GSKIP: variants seen among roughly 807,000 people sequenced by gnomAD.
GSKIP encodes GSK3B interacting protein.
In GSKIP, 5 loss-of-function variants were observed where a neutral mutation model predicts 11.9. The ratio of observed to expected loss-of-function variants is 0.42; its 90% CI spans 0.22 to 0.89. The LOEUF is 0.89. Among genes scored for constraint, GSKIP ranks in the 40% least tolerant of loss-of-function variants. The probability of loss-of-function intolerance (pLI) is 0.29; values close to 1 mark genes in which losing one functional copy is unlikely to be tolerated. For synonymous variants in GSKIP, 70 were observed against 62.9 expected (o/e 1.11, Z -0.54); for missense variants, 150 against 166.6 (o/e 0.90, Z 0.55).
intron 1 of GSKIP, chr14:96,364,675 T>A (rs1001338396): frequency 1.3e-5 from 2 of 152,234 alleles, no homozygotes; most frequent in Non-Finnish European, 2.9e-5. Flanking sequence ...TCTCAAGTAT[T>A]CTCAGTAACT....
chr14:96,381,798 A>G (rs916210605), intron 2 of GSKIP, among the ~76,000 whole-genome samples: 1 of 152,150 alleles, frequency 6.6e-6, no homozygotes, highest in African/African-American at 2.4e-5. Context: ...AGTATAAGTC[A>G]TACTCTCTTT....
chr14:96,380,032 TATA>T (rs2139941007), intron 2 of GSKIP: 1 of 152,312 alleles, frequency 6.6e-6, no homozygotes, highest in African/African-American at 2.4e-5. Context: ...TAAGACCAAA[TATA>T]ATCTTGAGCA....
Position 96,385,786 on chromosome 14 carries a change from GT to G in GSKIP, c.*107del. ...ATAGAAAATGCATCTTTGGTTTTGT[GT>G]TTTTATCACTTGCTTCCAACTTAGG... On this transcript the variant is annotated 3_prime_UTR_variant, in exon 4 of 4. Transcript: ENST00000555181. 2.2e-6 allele frequency: 2 copies of G among 891,250 alleles called. No individual in the cohort carries two copies. The highest frequency in any genetic ancestry group is 3.3e-6 in the Non-Finnish European group (2 of 597,766). The allele number at this position is 891,250 out of a possible 1,614,324, so 55.2% of individuals were successfully genotyped here. A position where few individuals can be genotyped will look rare whatever the true frequency, so the allele number is the denominator to read the frequency against.
rs1370211004 is a variant in GSKIP at position 96,379,710 on chromosome 14, G to C, written c.-80G>C. The C allele has an allele frequency of 1.3e-5, 2 of 152,102 alleles. No homozygotes were observed. The highest frequency in any genetic ancestry group is 2.9e-5 in the Non-Finnish European group (2 of 68,024). 9.4% of individuals were successfully genotyped at this position (152,102 alleles called of 1,614,324 possible). ...CAGCTCGGTGCTGATTATCACAACT[G>C]TTTGGTGACCTACTTCACTGACCTG... is the stretch of plus-strand genomic sequence containing the variant. On this transcript the variant is annotated 5_prime_UTR_variant, in exon 2 of 4. Transcript: ENST00000555181.
intron 2 of GSKIP, among the ~76,000 whole-genome samples, 180 bp from the exon 3 acceptor site, chr14:96,382,067 C>T (rs186704935): frequency 2.6e-5 from 4 of 151,960 alleles, no homozygotes; most frequent in Admixed American, 6.6e-5. Context: ...CTATGGGTGT[C>T]GGTGATTTTG....
intron 1 of GSKIP, among the ~76,000 whole-genome samples, chr14:96,370,998 A>G (rs1025816613): frequency 1.3e-5 from 2 of 152,218 alleles, no homozygotes; most frequent in African/African-American, 4.8e-5. Flanking sequence ...TTCTTACTTG[A>G]ATTACAAATA....
intron 1 of GSKIP, among the ~76,000 whole-genome samples, chr14:96,368,483 A>G (rs1888958886): frequency 6.6e-6 from 1 of 152,124 alleles, no homozygotes; most frequent in African/African-American, 2.4e-5. Flanking sequence ...GTTGCTGCTT[A>G]TTTACAGTTT....
intron 1 of GSKIP, among the ~76,000 whole-genome samples, chr14:96,365,572 G>C (rs772298429): frequency 1.8e-5 from 1 of 56,428 alleles, no homozygotes; most frequent in African/African-American, 8.2e-5. Context: ...GCTCACTCCT[G>C]TAATCCCAGA....
Position 96,385,577 on chromosome 14 carries a change from GA to G in GSKIP, c.316del (p.Thr106GlnfsTer28). 2 of 1,613,100 alleles carry G rather than the reference GA, an allele frequency of 1.2e-6. No homozygotes were observed. Among genetic ancestry groups the G allele is most frequent in the Non-Finnish European group, 1.7e-6 (2 of 1,179,370 alleles). On this transcript the variant is annotated frameshift_variant, in exon 4 of 4. Transcript: ENST00000555181. LOFTEE classifies it high-confidence loss of function. Reference protein sequence around the residue: ...VDDHLQTPYHETVYSLLDTLS... With the variant: ...VDDHLQTPYHXTVYSLLDTLS... Reference sequence around the variant, plus strand: ...TGATCATTTACAGACTCCCTACCATGAAACAGTCTACTCCTTGTTGGATACA... The same window carrying G: ...TGATCATTTACAGACTCCCTACCATGAACAGTCTACTCCTTGTTGGATACA...
At chr14:96,385,036 A>G (rs1227961948) in intron 3 of GSKIP, among the ~76,000 whole-genome samples, 1 of 152,186 alleles carries the variant, frequency 6.6e-6, no homozygotes, top group African/African-American at 2.4e-5. Flanking sequence ...AATAATTTTT[A>G]GAATTGTTTA....
chr14:96,374,592 A>G (rs2139935115), intron 1 of GSKIP, among the ~76,000 whole-genome samples: 1 of 152,278 alleles, frequency 6.6e-6, no homozygotes, highest in South Asian at 2.1e-4. Flanking sequence ...CTGGTCATGA[A>G]CTGAGCTCAA....
chr14:96,370,204 A>G (rs1247512383), intron 1 of GSKIP, among the ~76,000 whole-genome samples: 1 of 152,178 alleles, frequency 6.6e-6, no homozygotes, highest in Non-Finnish European at 1.5e-5. Flanking sequence ...TTGGAAGTAA[A>G]TAACTTGGTT....
intron 1 of GSKIP, among the ~76,000 whole-genome samples, chr14:96,372,404 A>T (rs1203493758): frequency 6.6e-6 from 1 of 152,354 alleles, no homozygotes; most frequent in East Asian, 1.9e-4. Flanking sequence ...CAAAGCAGAG[A>T]TGCTGTTCAG....
At position 96,382,268 on chromosome 14, in the gene GSKIP, C is replaced by A; in HGVS notation, c.21C>A (p.Pro7=). 1 of 1,604,896 alleles carries A rather than the reference C, an allele frequency of 6.2e-7. No homozygotes were observed. The highest frequency in any genetic ancestry group is 1.3e-5 in the African/African-American group (1 of 74,268). Residue 7 remains proline, a synonymous_variant, in exon 3 of 4, where the codon CCC becomes CCA. Coordinates refer to ENST00000555181, the MANE Select transcript of GSKIP (RefSeq NM_016472.5). ...ACAGAATGGAAACAGACTGTAATCC[C>A]ATGGAGCTAAGCAGTATGTCAGGAT... The part of the protein sequence containing the change: METDCN[P]MELSSMSGFE...
rs1408259776 is a variant in GSKIP at position 96,386,992 on chromosome 14, T to TAGCG, written c.*1308_*1309insAGCG. 6.6e-6 allele frequency: 1 copy of TAGCG among 152,250 alleles called. No homozygotes were observed. The highest frequency in any genetic ancestry group is 2.4e-5 in the African/African-American group (1 of 41,462). The allele number at this position is 152,250 out of a possible 1,614,324, so 9.4% of individuals were successfully genotyped here. ...AACAGGAACTTTTAGGCTCTGAAGA[T>TAGCG]CATGTGGACCAGAGCAAATTAAAGT... On this transcript the variant is annotated 3_prime_UTR_variant, in exon 4 of 4. Coordinates refer to ENST00000555181, the MANE Select transcript of GSKIP (RefSeq NM_016472.5).
chr14:96,369,250 A>G (rs891132064), intron 1 of GSKIP, among the ~76,000 whole-genome samples: 1 of 152,264 alleles, frequency 6.6e-6, no homozygotes, highest in African/African-American at 2.4e-5. Flanking sequence ...ACAGCTTACA[A>G]TTAAATATGG....
intron 1 of GSKIP, among the ~76,000 whole-genome samples, chr14:96,373,386 T>C (rs547173024): frequency 6.6e-6 from 1 of 152,098 alleles, no homozygotes; most frequent in East Asian, 1.9e-4. Context: ...TTCCAAAGTG[T>C]TGTGCCAGTT....
At chr14:96,368,428 C>A (rs558070025) in intron 1 of GSKIP, among the ~76,000 whole-genome samples, 1 of 152,256 alleles carries the variant, frequency 6.6e-6, no homozygotes, top group South Asian at 2.1e-4. Context: ...CCTTGGCCTC[C>A]CAAAGTGCTG....
At chr14:96,375,556 C>T (rs901575324) in intron 1 of GSKIP, among the ~76,000 whole-genome samples, 3 of 151,872 alleles carry the variant, frequency 2.0e-5, no homozygotes, top group African/African-American at 7.3e-5. Context: ...GCCTCAGCCT[C>T]CCGAGTAGCT....
Sources: allele counts gnomAD v4.1 joint callset (sites outside exome capture counted in the v4.1 genomes callset), GRCh38; gene constraint gnomAD v4.1.1; transcripts MANE v1.5; gene names NCBI Gene and HGNC (gene_info 2026-07-23, HGNC 2026-07-21).